Variants in ADAM10 observed in about 807,000 individuals in gnomAD.
The protein encoded by ADAM10 is disintegrin and metalloproteinase domain-containing protein 10.
A neutral mutation model predicts 90.1 loss-of-function variants in ADAM10; 17 were observed. The ratio of observed to expected loss-of-function variants is 0.19; its 90% CI spans 0.13 to 0.28. The LOEUF (loss-of-function observed/expected upper bound fraction) is 0.28, where lower values mean the gene tolerates loss of function less well. Among genes scored for constraint, ADAM10 ranks in the 10% least tolerant of loss-of-function variants. The probability of loss-of-function intolerance (pLI) is 1.00; values close to 1 mark genes in which losing one functional copy is unlikely to be tolerated. For missense variants in ADAM10, 610 were observed against 914.3 expected, an observed-to-expected ratio of 0.67 and a Z score of 4.29; for synonymous variants, 310 against 298.6, an observed-to-expected ratio of 1.04 and a Z score of -0.40.
At chr15:58,729,994 ACAAACAAAC>A (rs1899180991) in intron 1 of ADAM10, among the ~76,000 whole-genome samples, 1 of 128,064 alleles carries the variant, frequency 7.8e-6, no homozygotes, top group African/African-American at 2.9e-5. Flanking sequence ...AACAAAACAA[ACAAACAAAC>A]AAAAAAAAAA....
intron 2 of ADAM10, among the ~76,000 whole-genome samples, chr15:58,684,202 G>A (rs573572893): frequency 1.1e-3 from 164 of 152,220 alleles, no homozygotes; most frequent in African/African-American, 3.8e-3. Flanking sequence ...TTCAATCCAA[G>A]GCTGACTGAA....
chr15:58,685,014 G>T (rs575806715), intron 2 of ADAM10, among the ~76,000 whole-genome samples: 2 of 152,228 alleles, frequency 1.3e-5, no homozygotes, highest in Non-Finnish European at 2.9e-5. Context: ...AATAGTACAT[G>T]ATTAGTAACA....
rs544852499 is a variant in ADAM10 at position 58,678,801 on chromosome 15, T to A, written c.484+323A>T. Among the ~76,000 whole-genome samples, 227 of 152,350 alleles carry A rather than the reference T, an allele frequency of 1.5e-3. 3 individuals carry two copies. Among genetic ancestry groups the A allele is most frequent in the Middle Eastern group, 0.01 (3 of 294 alleles). On this transcript the variant is annotated intron_variant, in intron 4 of 15. Coordinates refer to ENST00000260408, the MANE Select transcript of ADAM10 (RefSeq NM_001110.4). ...ATGCTCTTCTACCTTCAATAGGTCA[T>A]ACACACAAAGGTATTAGCATTACAC... is the stretch of plus-strand genomic sequence containing the variant.
intron 2 of ADAM10, among the ~76,000 whole-genome samples, chr15:58,710,362 C>T (rs1315561924): frequency 6.6e-6 from 1 of 152,206 alleles, no homozygotes; most frequent in Admixed American, 6.5e-5. Flanking sequence ...ATAAAATTCA[C>T]ATACCCTTTT....
chr15:58,729,346 C>A (rs1302535702), intron 1 of ADAM10, among the ~76,000 whole-genome samples: 1 of 152,188 alleles, frequency 6.6e-6, no homozygotes, highest in Non-Finnish European at 1.5e-5. Context: ...CCGTATCTAG[C>A]ATTTTACAAT....
chr15:58,709,997 A>T lies in ADAM10; in HGVS notation c.206+7580T>A, dbSNP rs899649675. 2.6e-5 allele frequency among the ~76,000 whole-genome samples: 4 copies of T among 151,988 alleles called. No individual in the cohort carries two copies. The East Asian group carries it at 7.8e-4, about 30-fold the overall frequency. On this transcript the variant is annotated intron_variant, in intron 2 of 15. Coordinates refer to ENST00000260408, the MANE Select transcript of ADAM10 (RefSeq NM_001110.4). ...CTGGTTAGTGCTTAAAAACATGTAA[A>T]ATAGGCCAGGTGCAGTGGCTCACGC...
intron 1 of ADAM10, among the ~76,000 whole-genome samples, chr15:58,724,080 G>A (rs1021794235): frequency 1.3e-5 from 2 of 151,948 alleles, no homozygotes; most frequent in Non-Finnish European, 2.9e-5. Context: ...GGGAGGCTGA[G>A]GCAGGAGAAT....
chr15:58,674,886 C>A (rs1897276197), intron 4 of ADAM10, among the ~76,000 whole-genome samples: 1 of 152,216 alleles, frequency 6.6e-6, no homozygotes, highest in Non-Finnish European at 1.5e-5. Context: ...TGCCCTACTA[C>A]TATAAGGTAT....
intron 1 of ADAM10, among the ~76,000 whole-genome samples, chr15:58,742,462 C>T (rs1899647213): frequency 6.6e-6 from 1 of 152,232 alleles, no homozygotes; most frequent in South Asian, 2.1e-4. Context: ...TTTCGACTTA[C>T]GATATTTTCA....
intron 11 of ADAM10, among the ~76,000 whole-genome samples, chr15:58,615,738 G>A (rs1391897249): frequency 6.6e-6 from 1 of 152,130 alleles, no homozygotes; most frequent in Non-Finnish European, 1.5e-5. Context: ...GCCAGGCACA[G>A]TGGCTCATTT....
intron 2 of ADAM10, among the ~76,000 whole-genome samples, chr15:58,697,844 G>A (rs1898021003): frequency 6.6e-6 from 1 of 152,130 alleles, no homozygotes; most frequent in Admixed American, 6.5e-5. Flanking sequence ...CCTGTCCCCA[G>A]CTAAGCCTCA....
rs1896484865 is a variant in ADAM10 at position 58,644,030 on chromosome 15, G to T, written c.736-52C>A. The T allele has an allele frequency of 2.9e-6, 4 of 1,366,732 alleles. No individual in the cohort carries two copies. The African/African-American group carries it at 4.3e-5, about 15-fold the overall frequency. The allele number at this position is 1,366,732 out of a possible 1,614,324, so 84.7% of individuals were successfully genotyped here. On this transcript the variant is annotated intron_variant, in intron 6 of 15. Coordinates refer to ENST00000260408, the MANE Select transcript of ADAM10 (RefSeq NM_001110.4). ...AGAGGCAATGTTGAAATATGAAAAAGATTATAAATTTCCATTTCCAAAATC... is the reference window on the plus strand; with the variant it reads ...AGAGGCAATGTTGAAATATGAAAAATATTATAAATTTCCATTTCCAAAATC...
At chr15:58,635,825 A>G (rs1207682539) in intron 8 of ADAM10, among the ~76,000 whole-genome samples, 2 of 152,052 alleles carry the variant, frequency 1.3e-5, no homozygotes, top group Non-Finnish European at 2.9e-5. Flanking sequence ...ATATTTTTAA[A>G]TCTCTGATAA....
rs1318966754 is a variant in ADAM10 at position 58,730,862 on chromosome 15, G to A, written c.56-13135C>T. On this transcript the variant is annotated intron_variant, in intron 1 of 15. Coordinates refer to ENST00000260408, the MANE Select transcript of ADAM10 (RefSeq NM_001110.4). The stretch of plus-strand genomic sequence containing the variant: ...GAAAATTCTCCCTCTCTTTCCCCTC[G>A]GGACATCAGGACTCCAGCCTCTGCG... Among the ~76,000 whole-genome samples, 4 of 152,268 alleles carry A rather than the reference G, an allele frequency of 2.6e-5. No individual in the cohort carries two copies. In the East Asian group the frequency reaches 5.8e-4, roughly 22 times the overall value.
chr15:58,647,255 T>C (rs1008664099), intron 5 of ADAM10, among the ~76,000 whole-genome samples: 5,685 of 91,012 alleles, frequency 0.062, 901 homozygotes, highest in African/African-American at 0.21. Context: ...AGTATTTTTT[T>C]TTTTTTTTTT....
intron 1 of ADAM10, among the ~76,000 whole-genome samples, chr15:58,719,958 T>C (rs1442367454): frequency 6.6e-6 from 1 of 152,102 alleles, no homozygotes; most frequent in Admixed American, 6.5e-5. Flanking sequence ...CTCTTCCCCC[T>C]TCCTCCTTTT....
chr15:58,741,316 C>A (rs1261987372), intron 1 of ADAM10, among the ~76,000 whole-genome samples: 2 of 148,524 alleles, frequency 1.3e-5, no homozygotes, highest in South Asian at 4.3e-4. Context: ...TAGCCTAATT[C>A]CAACTTAAGT....
intron 10 of ADAM10, among the ~76,000 whole-genome samples, chr15:58,622,227 T>C (rs1471497415): frequency 5.3e-5 from 8 of 152,192 alleles, no homozygotes; most frequent in Non-Finnish European, 5.9e-5. Context: ...TTTTCTTATT[T>C]AAACCTAACC....
intron 1 of ADAM10, among the ~76,000 whole-genome samples, chr15:58,736,920 G>T (rs1014998179): frequency 6.6e-6 from 1 of 151,874 alleles, no homozygotes; most frequent in Non-Finnish European, 1.5e-5. Context: ...TTCAAGACCA[G>T]CCTGGGCAAC....
Sources: allele counts gnomAD v4.1 joint callset (sites outside exome capture counted in the v4.1 genomes callset), GRCh38; gene constraint gnomAD v4.1.1; transcripts MANE v1.5; gene names NCBI Gene and HGNC (gene_info 2026-07-23, HGNC 2026-07-21).